SORCS3: variants seen among roughly 807,000 people sequenced by gnomAD.
SORCS3 encodes VPS10 domain-containing receptor SorCS3.
Under a neutral mutation model 146.3 loss-of-function variants are expected in SORCS3, and 57 were observed. The observed-to-expected ratio is 0.39, with a 90% confidence interval of 0.31 to 0.49. The LOEUF (loss-of-function observed/expected upper bound fraction) is 0.49, where lower values mean the gene tolerates loss of function less well. SORCS3 is among the 20% of genes least tolerant of loss of function. The probability of loss-of-function intolerance (pLI) is 0.92; values close to 1 mark genes in which losing one functional copy is unlikely to be tolerated. For synonymous variants in SORCS3, 653 were observed against 618.5 expected (o/e 1.06, Z -0.83); for missense variants, 1,341 against 1,575.5 (o/e 0.85, Z 2.52).
intron 1 of SORCS3, among the ~76,000 whole-genome samples, chr10:104,643,577 G>A (rs1302273556): frequency 6.6e-6 from 1 of 152,220 alleles, no homozygotes; most frequent in Admixed American, 6.5e-5. Context: ...AGGGCTGGGT[G>A]ATTGAAGACT....
intron 1 of SORCS3, among the ~76,000 whole-genome samples, chr10:104,789,811 C>A (rs993599237): frequency 2.0e-5 from 3 of 152,188 alleles, no homozygotes; most frequent in African/African-American, 7.2e-5. Context: ...CCACCACCCA[C>A]CCTCACATAA....
intron 3 of SORCS3, among the ~76,000 whole-genome samples, chr10:104,969,854 C>CTG (rs34372675): frequency 0.16 from 24,052 of 152,096 alleles, 3,672 homozygotes; most frequent in African/African-American, 0.41. Flanking sequence ...GTGTGTGTCT[C>CTG]TGTGCATGTG....
At chr10:104,711,725 G>A (rs143822945) in intron 1 of SORCS3, among the ~76,000 whole-genome samples, 125 of 152,334 alleles carry the variant, frequency 8.2e-4, no homozygotes, top group African/African-American at 2.9e-3. Context: ...GGGGATTATG[G>A]TGGAGTTGTA....
At chr10:105,256,732 C>G in intron 24 of SORCS3, 87 bp from the exon 25 acceptor site, 1,384 of 871,324 alleles carry the variant, frequency 1.6e-3, no homozygotes, top group Non-Finnish European at 2.4e-3. Flanking sequence ...AGATCAGTGG[C>G]CTCCTTCCTG....
chr10:105,122,616 G>A (rs530947548), intron 7 of SORCS3, among the ~76,000 whole-genome samples: 184 of 152,270 alleles, frequency 1.2e-3, no homozygotes, highest in African/African-American at 4.1e-3. Flanking sequence ...GTCACAAGAC[G>A]GAGAACGTGT....
At chr10:105,191,438 T>C (rs1026777686) in intron 14 of SORCS3, among the ~76,000 whole-genome samples, 4 of 152,134 alleles carry the variant, frequency 2.6e-5, no homozygotes, top group African/African-American at 9.7e-5. Context: ...TTATATAATA[T>C]AAAGACTATA....
At chr10:105,055,834 A>T (rs1196113742) in intron 5 of SORCS3, among the ~76,000 whole-genome samples, 1 of 152,200 alleles carries the variant, frequency 6.6e-6, no homozygotes, top group Non-Finnish European at 1.5e-5. Flanking sequence ...TTAGAGGAAA[A>T]ATATTTCTGG....
intron 2 of SORCS3, among the ~76,000 whole-genome samples, chr10:104,849,935 A>G (rs144631928): frequency 9.8e-5 from 15 of 152,334 alleles, no homozygotes; most frequent in Non-Finnish European, 2.1e-4. Flanking sequence ...GTGTTTGGCA[A>G]AAGGTGAAAG....
rs35604992 is a variant in SORCS3, at chr10:105,003,998, C to CTTTTTTTTTTTTTTTTTTTTTTTTTT, written c.954+26506_954+26507insTTTTTTTTTTTTTTTTTTTTTTTTTT. Among the ~76,000 whole-genome samples, 42 of 135,982 alleles carry CTTTTTTTTTTTTTTTTTTTTTTTTTT rather than the reference C, an allele frequency of 3.1e-4. 4 individuals are homozygous for CTTTTTTTTTTTTTTTTTTTTTTTTTT. The highest frequency in any genetic ancestry group is 4.4e-4 in the Non-Finnish European group (28 of 64,330). 89.2% of individuals were successfully genotyped at this position (135,982 alleles called of 152,430 possible). A position where few individuals can be genotyped will look rare whatever the true frequency, so the allele number is the denominator to read the frequency against. On this transcript the variant is annotated intron_variant, in intron 4 of 26. Transcript: ENST00000369701. ...TTCCCCTCCTTTTTTTCTCTTCTCT[C>CTTTTTTTTTTTTTTTTTTTTTTTTTT]TCTTTTTTTTTTTTTTACCAGAGAA... is the stretch of plus-strand genomic sequence containing the variant.
At chr10:105,173,826 CCT>C (rs1275365953) in intron 13 of SORCS3, among the ~76,000 whole-genome samples, 3 of 152,178 alleles carry the variant, frequency 2.0e-5, no homozygotes, top group Non-Finnish European at 4.4e-5. Context: ...TTAGACCTTT[CCT>C]CTGTAATGGT....
rs187790031 is a variant in SORCS3, at chr10:105,234,715, T to C, written c.2869-10827T>C. 2.3e-3 allele frequency among the ~76,000 whole-genome samples: 352 copies of C among 152,218 alleles called. 2 individuals carry two copies. Among genetic ancestry groups the C allele is most frequent in the African/African-American group, 8.1e-3 (335 of 41,562 alleles). On this transcript the variant is annotated intron_variant, in intron 20 of 26. Coordinates refer to ENST00000369701, the MANE Select transcript of SORCS3 (RefSeq NM_014978.3). Reference sequence around the variant, plus strand: ...GTGTTTTTGATCCCTAGCATTTCTTTTTTTTTCTTAGAATTTTCAACTTTC... The same window carrying C: ...GTGTTTTTGATCCCTAGCATTTCTTCTTTTTTCTTAGAATTTTCAACTTTC...
chr10:105,049,970 C>T (rs2133709780), intron 5 of SORCS3, among the ~76,000 whole-genome samples: 1 of 151,912 alleles, frequency 6.6e-6, no homozygotes, highest in African/African-American at 2.4e-5. Flanking sequence ...TAAAAGTTGA[C>T]ATTAAAAATA....
intron 15 of SORCS3, among the ~76,000 whole-genome samples, 173 bp from the exon 16 acceptor site, chr10:105,200,947 T>A (rs879718601): frequency 1.2e-4 from 19 of 152,124 alleles, no homozygotes; most frequent in Admixed American, 2.6e-4. Flanking sequence ...TTTTATGTGG[T>A]AGTGAAAGAT....
At chr10:105,256,281 C>A (rs1405243581) in intron 24 of SORCS3, among the ~76,000 whole-genome samples, 1 of 152,156 alleles carries the variant, frequency 6.6e-6, no homozygotes, top group South Asian at 2.1e-4. Context: ...GTGAAAAAAT[C>A]TAAAAAGGCA....
chr10:104,645,945 C>G (rs1036783327), intron 1 of SORCS3, among the ~76,000 whole-genome samples: 22 of 152,204 alleles, frequency 1.4e-4, no homozygotes, highest in African/African-American at 4.8e-4. Flanking sequence ...GTCACAATAT[C>G]TTAATGCATT....
intron 20 of SORCS3, among the ~76,000 whole-genome samples, chr10:105,226,009 T>C (rs948249864): frequency 6.6e-6 from 1 of 151,880 alleles, no homozygotes; most frequent in African/African-American, 2.4e-5. Flanking sequence ...ACAGGGAAAA[T>C]TTGACTCTTT....
chr10:105,176,416 A>G (rs2056402628), intron 13 of SORCS3, among the ~76,000 whole-genome samples: 1 of 151,998 alleles, frequency 6.6e-6, no homozygotes, highest in South Asian at 2.1e-4. Flanking sequence ...AGCCAGGTCC[A>G]GTGGTACACA....
At chr10:104,860,619 C>A (rs1291897573) in intron 2 of SORCS3, among the ~76,000 whole-genome samples, 3 of 152,080 alleles carry the variant, frequency 2.0e-5, no homozygotes, top group Non-Finnish European at 4.4e-5. Context: ...ACAGCAGCAT[C>A]AATAATAATG....
In SORCS3 at chr10:105,201,359, A is replaced by G. The variant is rs144480780; in HGVS notation, c.2261+106A>G. 33 of 1,354,538 alleles carry G rather than the reference A, an allele frequency of 2.4e-5. No homozygotes were observed. In the African/African-American group the frequency reaches 4.2e-4, roughly 17 times the overall value. 83.9% of individuals were successfully genotyped at this position (1,354,538 alleles called of 1,614,324 possible). A position where few individuals can be genotyped will look rare whatever the true frequency, so the allele number is the denominator to read the frequency against. On this transcript the variant is annotated intron_variant, in intron 16 of 26. Coordinates refer to ENST00000369701, the MANE Select transcript of SORCS3 (RefSeq NM_014978.3). Reference sequence around the variant, plus strand: ...AGGAGAGGAAGCATGACGCAGAGATAGGAGGTGTATCTGCTGGCCTGTGGG... The same window carrying G: ...AGGAGAGGAAGCATGACGCAGAGATGGGAGGTGTATCTGCTGGCCTGTGGG...
Sources: gnomAD v4.1 joint callset for allele counts (sites outside exome capture counted in the v4.1 genomes callset) on GRCh38, gnomAD v4.1.1 for gene constraint, MANE v1.5 for transcripts, NCBI Gene and HGNC (gene_info 2026-07-23, HGNC 2026-07-21) for gene names.